The following ANKRD45 variants were observed in gnomAD, a reference collection of about 807,000 sequenced individuals.
The protein encoded by ANKRD45 is ankyrin repeat domain 45.
A neutral mutation model predicts 28.1 loss-of-function variants in ANKRD45; 21 were observed. The ratio of observed to expected loss-of-function variants is 0.75; its 90% CI spans 0.53 to 1.08. The LOEUF (loss-of-function observed/expected upper bound fraction) is 1.08. Ranked by LOEUF, ANKRD45 falls within the 50% of genes least tolerant of loss-of-function variation. The pLI, the probability that ANKRD45 is intolerant of heterozygous loss-of-function variation, is 0.00. For synonymous variants in ANKRD45, 86 were observed against 103.9 expected, an observed-to-expected ratio of 0.83 and a Z score of 1.05; for missense variants, 261 against 308.7, an observed-to-expected ratio of 0.85 and a Z score of 1.16.
the ANKRD45 span, among the ~76,000 whole-genome samples, chr1:173,700,459 G>GGT: frequency 6.6e-6 from 1 of 152,132 alleles, no homozygotes; most frequent in East Asian, 1.9e-4. Context: ...GCATGGGACT[G>GGT]GTACCAAAAC....
intron 5 of ANKRD45, among the ~76,000 whole-genome samples, chr1:173,613,461 G>A (rs1345854449): frequency 6.6e-6 from 1 of 151,558 alleles, no homozygotes; most frequent in African/African-American, 2.4e-5. Flanking sequence ...GAGGGAGGTG[G>A]GGGGCAGCCC....
intron 3 of ANKRD45, among the ~76,000 whole-genome samples, chr1:173,641,510 T>C (rs927348460): frequency 6.6e-6 from 1 of 152,202 alleles, no homozygotes; most frequent in African/African-American, 2.4e-5. Flanking sequence ...TAGTGTTCCT[T>C]GGAAGCATAA....
the ANKRD45 span, among the ~76,000 whole-genome samples, chr1:173,706,262 A>T: frequency 7.0e-6 from 1 of 142,698 alleles, no homozygotes; most frequent in Non-Finnish European, 1.5e-5. Flanking sequence ...AGATTGTGCT[A>T]CTGTACTCCA....
rs764890033 is a variant in ANKRD45, at chr1:173,635,854, G to A, written c.497-8695C>T. The A allele has an allele frequency of 1.3e-5, 20 of 1,506,930 alleles. No homozygotes were observed. In the South Asian group the frequency reaches 1.7e-4, roughly 13 times the overall value. The allele number at this position is 1,506,930 out of a possible 1,614,324, so 93.3% of individuals were successfully genotyped here. On this transcript the variant is annotated intron_variant, in intron 3 of 5. Transcript: ENST00000333279. ...AGAAACACCAAAAAAAGGTGAATTC[G>A]TGATACAAGTAGTAATAGTTACAAA...
chr1:173,659,490 T>C (rs1669689880), intron 1 of ANKRD45, 57 bp from the exon 2 acceptor site: 1 of 1,406,538 alleles, frequency 7.1e-7, no homozygotes, highest in African/African-American at 1.4e-5. Flanking sequence ...TCAGTATTTG[T>C]TTATTTATTT....
chr1:173,612,392 G>GA (rs1667206053), intron 5 of ANKRD45, among the ~76,000 whole-genome samples: 2 of 150,368 alleles, frequency 1.3e-5, no homozygotes, highest in South Asian at 2.1e-4. Context: ...ACCAGGAAAA[G>GA]AAAAAAATAA....
intron 5 of ANKRD45, among the ~76,000 whole-genome samples, chr1:173,611,576 T>TACACACACACAC (rs57884253): frequency 7.5e-6 from 1 of 133,910 alleles, no homozygotes; most frequent in Non-Finnish European, 1.7e-5. Flanking sequence ...AATACATACA[T>TACACACACACAC]ACACACACAC....
intron 5 of ANKRD45, among the ~76,000 whole-genome samples, chr1:173,615,153 G>A (rs567640821): frequency 1.5e-4 from 23 of 151,994 alleles, no homozygotes; most frequent in East Asian, 3.9e-4. Context: ...CCCCCAGACC[G>A]GGCGCGGTGG....
chr1:173,620,653 T>C (rs1667659440), intron 5 of ANKRD45, among the ~76,000 whole-genome samples: 1 of 151,098 alleles, frequency 6.6e-6, no homozygotes, highest in Non-Finnish European at 1.5e-5. Context: ...AGATGACGAG[T>C]TAGTGGGTGC....
chr1:173,659,038 T>G (rs1669667127), intron 2 of ANKRD45, 53 bp downstream of exon 2: 1 of 1,571,122 alleles, frequency 6.4e-7, no homozygotes, highest in African/African-American at 1.4e-5. Flanking sequence ...GATATTACAT[T>G]GCATCTTTAG....
chr1:173,635,168 G>A (rs182493227), intron 3 of ANKRD45, among the ~76,000 whole-genome samples: 1 of 151,962 alleles, frequency 6.6e-6, no homozygotes, highest in Non-Finnish European at 1.5e-5. Context: ...AACCATTCTG[G>A]CAAAACAACA....
the ANKRD45 span, among the ~76,000 whole-genome samples, chr1:173,711,574 T>C: frequency 6.6e-6 from 1 of 152,238 alleles, no homozygotes; most frequent in African/African-American, 2.4e-5. Flanking sequence ...AAGTTTGCCC[T>C]AAGCAGTTCC....
At chr1:173,655,503 C>T in intron 2 of ANKRD45, among the ~76,000 whole-genome samples, 1 of 152,170 alleles carries the variant, frequency 6.6e-6, no homozygotes, top group East Asian at 1.9e-4. Context: ...CCCAGAGGGG[C>T]ACCCACCTGT....
intron 1 of ANKRD45, among the ~76,000 whole-genome samples, chr1:173,664,048 CTG>C (rs1669903431): frequency 6.6e-6 from 1 of 152,110 alleles, no homozygotes; most frequent in Admixed American, 6.6e-5. Flanking sequence ...ACTAAACTGA[CTG>C]TATGACCCAC....
At chr1:173,641,213 A>G (rs905717054) in intron 3 of ANKRD45, among the ~76,000 whole-genome samples, 1 of 152,230 alleles carries the variant, frequency 6.6e-6, no homozygotes, top group Non-Finnish European at 1.5e-5. Flanking sequence ...GAAATCGATT[A>G]AATATTCCAT....
chr1:173,693,989 T>C, the ANKRD45 span, among the ~76,000 whole-genome samples: 2 of 152,226 alleles, frequency 1.3e-5, no homozygotes, highest in Non-Finnish European at 2.9e-5. Context: ...AGAAAAGGGC[T>C]GCCACTGGGT....
Position 173,623,725 on chromosome 1 carries a change from A to G in ANKRD45, c.730+1062T>C, listed in dbSNP as rs571415440. Among the ~76,000 whole-genome samples, 51 of 152,310 alleles carry G rather than the reference A, an allele frequency of 3.3e-4. No individual in the cohort carries two copies. The South Asian group carries it at 0.01, about 31-fold the overall frequency. Reference sequence around the variant, plus strand: ...GAATCAACCCAAATGCCTATCAATGATAGACTGGGTAAAGAAAATGTGGAA... The same window carrying G: ...GAATCAACCCAAATGCCTATCAATGGTAGACTGGGTAAAGAAAATGTGGAA... On this transcript the variant is annotated intron_variant, in intron 5 of 5. Transcript: ENST00000333279.
At chr1:173,660,429 A>G (rs1472616378) in intron 1 of ANKRD45, among the ~76,000 whole-genome samples, 1 of 152,216 alleles carries the variant, frequency 6.6e-6, no homozygotes, top group Non-Finnish European at 1.5e-5. Flanking sequence ...ATAAATTACA[A>G]TGATATGCCA....
intron 2 of ANKRD45, among the ~76,000 whole-genome samples, chr1:173,654,899 G>A (rs896280189): frequency 1.3e-5 from 2 of 152,130 alleles, no homozygotes; most frequent in Non-Finnish European, 2.9e-5. Flanking sequence ...GGCTACTGAA[G>A]CTTGTGCATG....
Sources: allele counts gnomAD v4.1 joint callset (sites outside exome capture counted in the v4.1 genomes callset), GRCh38; gene constraint gnomAD v4.1.1; transcripts MANE v1.5; gene names NCBI Gene and HGNC (gene_info 2026-07-23, HGNC 2026-07-21).